TMEM131L: variants seen among roughly 807,000 people sequenced by gnomAD.
The protein encoded by TMEM131L is transmembrane 131 like, also known as transmembrane protein 131-like.
TMEM131L carries 54 observed loss-of-function variants against 192.2 expected under a neutral mutation model. That is an observed-to-expected ratio of 0.28 (90% CI 0.23 to 0.35). TMEM131L has a LOEUF of 0.35. TMEM131L is among the 10% of genes least tolerant of loss of function. TMEM131L has a pLI of 1.00. For missense variants in TMEM131L, 1,888 were observed against 1,972.9 expected, an observed-to-expected ratio of 0.96 and a Z score of 0.82; for synonymous variants, 701 against 704.9, an observed-to-expected ratio of 0.99 and a Z score of 0.09.
intron 28 of TMEM131L, 28 bp from the exon 29 acceptor site, chr4:153,622,870 G>C (rs1474443850): frequency 6.2e-7 from 1 of 1,611,970 alleles, no homozygotes; most frequent in South Asian, 1.1e-5. Flanking sequence ...TTGTTTCAGG[G>C]AAACATGACT....
intron 21 of TMEM131L, among the ~76,000 whole-genome samples, chr4:153,599,494 C>T (rs1380873040): frequency 6.6e-6 from 1 of 152,090 alleles, no homozygotes; most frequent in Non-Finnish European, 1.5e-5. Flanking sequence ...ACCTGAGCAA[C>T]ACAGCAAGAC....
chr4:153,467,992 G>C (rs1294368585), intron 2 of TMEM131L, among the ~76,000 whole-genome samples: 3 of 152,220 alleles, frequency 2.0e-5, no homozygotes, highest in African/African-American at 7.2e-5. Context: ...CCTTTCACCA[G>C]TAACGGTAGT....
chr4:153,554,646 A>G (rs1000278955), intron 4 of TMEM131L, among the ~76,000 whole-genome samples: 12 of 152,240 alleles, frequency 7.9e-5, no homozygotes, highest in Non-Finnish European at 1.6e-4. Flanking sequence ...TAATTCATTC[A>G]GCTTAAATTA....
intron 4 of TMEM131L, among the ~76,000 whole-genome samples, chr4:153,552,023 A>G (rs1003729572): frequency 2.0e-5 from 3 of 152,002 alleles, no homozygotes; most frequent in African/African-American, 4.8e-5. Context: ...AGCGTGGCCA[A>G]CATGGCAAAA....
Position 153,513,913 on chromosome 4 carries a change from G to A in TMEM131L, c.240-36160G>A, listed in dbSNP as rs185664622. Among the ~76,000 whole-genome samples, 606 of 152,202 alleles carry A rather than the reference G, an allele frequency of 4.0e-3. 9 individuals are homozygous for A. Among genetic ancestry groups the A allele is most frequent in the South Asian group, 0.027 (128 of 4,820 alleles). On this transcript the variant is annotated intron_variant, in intron 3 of 34. Transcript: ENST00000409959. ...TTTGTCATGCTGAGACTTAGGTCAT[G>A]GTTGGGATTATAACAAAATTGATTA... is the stretch of plus-strand genomic sequence containing the variant.
intron 7 of TMEM131L, among the ~76,000 whole-genome samples, chr4:153,574,001 A>G (rs982724823): frequency 2.6e-5 from 4 of 152,198 alleles, no homozygotes; most frequent in Non-Finnish European, 5.9e-5. Flanking sequence ...TTTAGCACCC[A>G]TCATATTGCT....
intron 17 of TMEM131L, 74 bp from the exon 18 acceptor site, chr4:153,592,401 C>A: frequency 2.1e-6 from 2 of 965,224 alleles, no homozygotes; most frequent in Non-Finnish European, 3.4e-6. Flanking sequence ...TTAGGTTATG[C>A]TTTTTGGCCA....
chr4:153,582,249 G>A (rs1561212186), intron 9 of TMEM131L, among the ~76,000 whole-genome samples: 1 of 151,526 alleles, frequency 6.6e-6, no homozygotes, highest in Non-Finnish European at 1.5e-5. Flanking sequence ...TTTTGTTTCT[G>A]TTTTTGTTTT....
intron 7 of TMEM131L, among the ~76,000 whole-genome samples, chr4:153,563,363 A>G (rs1310689018): frequency 6.6e-6 from 1 of 152,156 alleles, no homozygotes; most frequent in Non-Finnish European, 1.5e-5. Flanking sequence ...GGGTTGCCAG[A>G]ATAATCTCAG....
intron 29 of TMEM131L, 130 bp downstream of exon 29, chr4:153,623,213 G>C (rs1733572546): frequency 2.7e-6 from 2 of 744,196 alleles, no homozygotes; most frequent in South Asian, 5.1e-5. Context: ...CTTGACCTTT[G>C]CTTTGGACTT....
intron 7 of TMEM131L, among the ~76,000 whole-genome samples, chr4:153,562,338 A>C (rs1028848324): frequency 6.6e-6 from 1 of 152,184 alleles, no homozygotes; most frequent in African/African-American, 2.4e-5. Context: ...ACCCAGCCTA[A>C]AGTATTTTTT....
At chr4:153,547,230 A>G (rs1451409661) in intron 3 of TMEM131L, among the ~76,000 whole-genome samples, 3 of 152,224 alleles carry the variant, frequency 2.0e-5, no homozygotes, top group African/African-American at 4.8e-5. Context: ...TATTTCTGCC[A>G]TATTACTCTA....
intron 3 of TMEM131L, among the ~76,000 whole-genome samples, chr4:153,498,026 CGTT>C (rs1186135161): frequency 3.9e-5 from 6 of 152,058 alleles, no homozygotes; most frequent in African/African-American, 1.2e-4. Context: ...TAAAGAAAAA[CGTT>C]GTGTTCCGTT....
intron 3 of TMEM131L, among the ~76,000 whole-genome samples, chr4:153,524,292 G>A (rs146558564): frequency 1.8e-3 from 267 of 152,320 alleles, no homozygotes; most frequent in Middle Eastern, 6.8e-3. Flanking sequence ...AGGTCTCTCA[G>A]CAGAAGGAGG....
intron 2 of TMEM131L, among the ~76,000 whole-genome samples, chr4:153,469,929 AAAACAAACAAAC>A (rs137897297): frequency 7.3e-5 from 11 of 151,108 alleles, no homozygotes; most frequent in South Asian, 4.2e-4. Flanking sequence ...TTTGTCTCAA[AAAACAAACAAAC>A]AAACAAACAA....
intron 7 of TMEM131L, among the ~76,000 whole-genome samples, chr4:153,567,874 A>T (rs1729329109): frequency 6.6e-6 from 1 of 152,148 alleles, no homozygotes; most frequent in South Asian, 2.1e-4. Flanking sequence ...TGTGGGAATA[A>T]GGCACCAAAC....
intron 3 of TMEM131L, among the ~76,000 whole-genome samples, chr4:153,535,229 A>G (rs1192112593): frequency 6.6e-6 from 1 of 152,130 alleles, no homozygotes; most frequent in African/African-American, 2.4e-5. Flanking sequence ...CTCCAGGGTT[A>G]TTGGCTTGAA....
intron 3 of TMEM131L, among the ~76,000 whole-genome samples, chr4:153,502,721 G>C (rs1733702814): frequency 6.6e-6 from 1 of 152,222 alleles, no homozygotes; most frequent in Non-Finnish European, 1.5e-5. Flanking sequence ...ATTTGGGATG[G>C]AGATAATTCA....
chr4:153,513,120 G>C (rs568370695), intron 3 of TMEM131L, among the ~76,000 whole-genome samples: 12 of 152,328 alleles, frequency 7.9e-5, no homozygotes, highest in East Asian at 5.8e-4. Context: ...CTGGAGGTAG[G>C]GGGTCAGGGT....
Sources: allele counts gnomAD v4.1 joint callset (sites outside exome capture counted in the v4.1 genomes callset), GRCh38; gene constraint gnomAD v4.1.1; transcripts MANE v1.5; gene names NCBI Gene and HGNC (gene_info 2026-07-23, HGNC 2026-07-21).